UBE2R2: variants seen among roughly 807,000 people sequenced by gnomAD.
The protein encoded by UBE2R2 is ubiquitin conjugating enzyme E2 R2, also known as ubiquitin-conjugating enzyme E2 R2.
A neutral mutation model predicts 27.8 loss-of-function variants in UBE2R2; 1 was observed. The observed-to-expected ratio is 0.04, with a 90% CI of 0.01 to 0.17. The LOEUF (loss-of-function observed/expected upper bound fraction) is 0.17, where lower values mean the gene tolerates loss of function less well. UBE2R2 is among the 10% of genes least tolerant of loss of function. The pLI is 1.00. For synonymous variants in UBE2R2, 106 were observed against 113.3 expected (o/e 0.94, Z 0.41); for missense variants, 100 against 291.0 (o/e 0.34, Z 4.78).
chr9:33,831,926 G>T (rs1820493927), intron 1 of UBE2R2, among the ~76,000 whole-genome samples: 1 of 151,982 alleles, frequency 6.6e-6, no homozygotes, highest in Non-Finnish European at 1.5e-5. Context: ...CTCCCAAAGT[G>T]CTGGGATTAC....
At chr9:33,866,300 A>G (rs1769718) in intron 1 of UBE2R2, among the ~76,000 whole-genome samples, 92,820 of 150,872 alleles carry the variant, frequency 0.62, 28,631 homozygotes, top group East Asian at 0.77. Flanking sequence ...GTGCAGTGGC[A>G]TGATCTCAGC....
At chr9:33,903,011 A>AT (rs1051179074) in intron 3 of UBE2R2, among the ~76,000 whole-genome samples, 68 of 152,188 alleles carry the variant, frequency 4.5e-4, no homozygotes, top group African/African-American at 1.5e-3. Flanking sequence ...AGGCAGGAGA[A>AT]TTGCTTGAAC....
intron 1 of UBE2R2, among the ~76,000 whole-genome samples, chr9:33,850,036 A>G (rs995676671): frequency 6.6e-6 from 1 of 152,172 alleles, no homozygotes; most frequent in Non-Finnish European, 1.5e-5. Context: ...CCTCCAAAGC[A>G]GGTGACACTT....
At chr9:33,888,014 T>G (rs1413173762) in intron 2 of UBE2R2, among the ~76,000 whole-genome samples, 1 of 152,232 alleles carries the variant, frequency 6.6e-6, no homozygotes, top group Non-Finnish European at 1.5e-5. Context: ...CCAAATGTTT[T>G]GGGGATTTTG....
intron 1 of UBE2R2, among the ~76,000 whole-genome samples, chr9:33,861,544 A>G (rs985284514): frequency 2.0e-5 from 3 of 151,938 alleles, no homozygotes; most frequent in Non-Finnish European, 4.4e-5. Flanking sequence ...GTGAGCTGAG[A>G]TCATGCCACT....
In UBE2R2 at chr9:33,817,684, G is replaced by T; in HGVS notation, c.-74G>T. 1 of 1,231,838 alleles carries T rather than the reference G, an allele frequency of 8.1e-7. No homozygotes were observed. The highest frequency in any genetic ancestry group is 1.0e-6 in the Non-Finnish European group (1 of 986,546). The allele number at this position is 1,231,838 out of a possible 1,614,324, so 76.3% of individuals were successfully genotyped here. A position where few individuals can be genotyped will look rare whatever the true frequency, so the allele number is the denominator to read the frequency against. On this transcript the variant is annotated 5_prime_UTR_variant, in exon 1 of 5. Transcript: ENST00000263228. ...CGGCCGGAGGGCGAGCGGAGGGGAGGGGCCTGGTCCGGCCCGGCCGGTGCG... is the reference window on the plus strand; with the variant it reads ...CGGCCGGAGGGCGAGCGGAGGGGAGTGGCCTGGTCCGGCCCGGCCGGTGCG...
rs1822680287 is a variant in UBE2R2 at position 33,917,592 on chromosome 9, GTC to G, written c.*357_*358del. 3 of 433,240 alleles carry G rather than the reference GTC, an allele frequency of 6.9e-6. No homozygotes were observed. Among genetic ancestry groups the G allele is most frequent in the Non-Finnish European group, 8.1e-6 (2 of 247,588 alleles). 26.8% of individuals were successfully genotyped at this position (433,240 alleles called of 1,614,324 possible). On this transcript the variant is annotated 3_prime_UTR_variant, in exon 5 of 5. Coordinates refer to ENST00000263228, the MANE Select transcript of UBE2R2 (RefSeq NM_017811.4). ...TTTTAGATTCTTGAAGAATTCAATA[GTC>G]TTTCAAGATGTTTAATGTGTTTAAA...
intron 1 of UBE2R2, among the ~76,000 whole-genome samples, chr9:33,867,808 A>G (rs541927191): frequency 1.3e-5 from 2 of 152,256 alleles, no homozygotes; most frequent in South Asian, 4.1e-4. Flanking sequence ...ACTCCCAGCT[A>G]CTTGGGAGGC....
chr9:33,870,486 A>T (rs1000891437), intron 1 of UBE2R2, among the ~76,000 whole-genome samples: 2 of 152,160 alleles, frequency 1.3e-5, no homozygotes, highest in Non-Finnish European at 2.9e-5. Context: ...TAGGAAACCA[A>T]GGAAAGTTAT....
At chr9:33,900,140 A>G (rs111846619) in intron 2 of UBE2R2, 34 bp from the exon 3 acceptor site, 1 of 1,544,218 alleles carries the variant, frequency 6.5e-7, no homozygotes. Context: ...TCACTTTTTG[A>G]GTATTTACTG....
Position 33,847,747 on chromosome 9 carries a change from A to ATT in UBE2R2, c.177+29834_177+29835dup, listed in dbSNP as rs367991925. Among the ~76,000 whole-genome samples, 255 of 104,978 alleles carry ATT rather than the reference A, an allele frequency of 2.4e-3. 1 individual carries two copies. Among genetic ancestry groups the ATT allele is most frequent in the Middle Eastern group, 5.1e-3 (1 of 198 alleles). The allele number at this position is 104,978 out of a possible 152,430, so 68.9% of individuals were successfully genotyped here. A position where few individuals can be genotyped will look rare whatever the true frequency, so the allele number is the denominator to read the frequency against. ...TGCTTCAGTTTGGATTTGACCTGAA[A>ATT]TTTTTTTTTTTTTTTTTTTTTTGAG... On this transcript the variant is annotated intron_variant, in intron 1 of 4. Coordinates refer to ENST00000263228, the MANE Select transcript of UBE2R2 (RefSeq NM_017811.4).
chr9:33,818,174 A>C (rs1825864007), intron 1 of UBE2R2, among the ~76,000 whole-genome samples: 1 of 151,836 alleles, frequency 6.6e-6, no homozygotes, highest in African/African-American at 2.4e-5. Flanking sequence ...GGGAAATCGG[A>C]GAGCCTCTCT....
intron 3 of UBE2R2, among the ~76,000 whole-genome samples, chr9:33,901,664 T>C (rs1054840330): frequency 1.3e-5 from 2 of 152,198 alleles, no homozygotes; most frequent in Non-Finnish European, 2.9e-5. Flanking sequence ...TCCTGACTTG[T>C]AATAGAAGCT....
At chr9:33,913,456 C>T (rs189022969) in intron 4 of UBE2R2, among the ~76,000 whole-genome samples, 3 of 151,904 alleles carry the variant, frequency 2.0e-5, no homozygotes, top group South Asian at 4.2e-4. Context: ...GAGATGAGGT[C>T]TTGCTGTGTT....
chr9:33,891,834 G>A (rs1821993490), intron 2 of UBE2R2, among the ~76,000 whole-genome samples: 1 of 151,984 alleles, frequency 6.6e-6, no homozygotes, highest in African/African-American at 2.4e-5. Context: ...TGTTGGCTGG[G>A]CACAGTGGCT....
intron 1 of UBE2R2, among the ~76,000 whole-genome samples, chr9:33,824,588 G>A (rs1422787495): frequency 6.7e-6 from 1 of 149,126 alleles, no homozygotes; most frequent in African/African-American, 2.5e-5. Flanking sequence ...GCAGTGAACT[G>A]ATATCGAGGC....
At chr9:33,829,937 A>G (rs1820416584) in intron 1 of UBE2R2, among the ~76,000 whole-genome samples, 1 of 151,706 alleles carries the variant, frequency 6.6e-6, no homozygotes. Flanking sequence ...AGCAAGGACT[A>G]TAGGCATGTG....
chr9:33,821,644 TCTCA>T (rs1285892651), intron 1 of UBE2R2, among the ~76,000 whole-genome samples: 4 of 150,908 alleles, frequency 2.7e-5, no homozygotes, highest in Non-Finnish European at 5.9e-5. Context: ...TGAGATGGAG[TCTCA>T]CTCTTTTGCC....
At chr9:33,869,512 T>TC (rs1265215840) in intron 1 of UBE2R2, among the ~76,000 whole-genome samples, 1 of 151,806 alleles carries the variant, frequency 6.6e-6, no homozygotes, top group East Asian at 1.9e-4. Context: ...AATGGTGCAG[T>TC]CTCAGCTCAC....
Sources: gnomAD v4.1 joint callset for allele counts (sites outside exome capture counted in the v4.1 genomes callset) on GRCh38, gnomAD v4.1.1 for gene constraint, MANE v1.5 for transcripts, NCBI Gene and HGNC (gene_info 2026-07-23, HGNC 2026-07-21) for gene names.